The following SEMA6D variants were observed in gnomAD, a reference collection of about 807,000 sequenced individuals.
The protein encoded by SEMA6D is semaphorin 6D, also known as semaphorin-6D.
Under a neutral mutation model 106.6 loss-of-function variants are expected in SEMA6D, and 35 were observed. The observed-to-expected ratio is 0.33, with a 90% CI of 0.25 to 0.44. The LOEUF (loss-of-function observed/expected upper bound fraction) is 0.44, where lower values mean the gene tolerates loss of function less well. Among genes scored for constraint, SEMA6D ranks in the 20% least tolerant of loss-of-function variants. The pLI is 1.00. For missense variants in SEMA6D, 1,185 were observed against 1,345.9 expected (o/e 0.88, Z 1.87); for synonymous variants, 499 against 487.7 (o/e 1.02, Z -0.31).
At chr15:47,386,707 G>C (rs181882402) in intron 1 of SEMA6D, among the ~76,000 whole-genome samples, 5 of 152,300 alleles carry the variant, frequency 3.3e-5, no homozygotes, top group African/African-American at 1.2e-4. Flanking sequence ...CCTGGTGCCA[G>C]GTTTCAGAGG....
intron 3 of SEMA6D, among the ~76,000 whole-genome samples, chr15:47,481,863 C>T (rs931541884): frequency 5.9e-5 from 9 of 152,100 alleles, no homozygotes; most frequent in Non-Finnish European, 1.2e-4. Context: ...ACATAGGATT[C>T]CTGAGGCTGG....
intron 1 of SEMA6D, among the ~76,000 whole-genome samples, chr15:47,348,692 C>T (rs1305595133): frequency 9.8e-6 from 1 of 101,754 alleles, no homozygotes; most frequent in East Asian, 2.3e-4. Context: ...CACACACACA[C>T]ACACACACAC....
At position 47,306,860 on chromosome 15, in the gene SEMA6D, A is replaced by G. The variant is rs148245163; in HGVS notation, c.-238-105533A>G. Among the ~76,000 whole-genome samples the G allele has an allele frequency of 6.3e-3, 953 of 152,328 alleles. 4 individuals are homozygous for G. Among genetic ancestry groups the G allele is most frequent in the Admixed American group, 0.013 (200 of 15,306 alleles). ...TAGTATAATTTTTAGAAGATATGCA[A>G]CTCTTCAACTCAATATAGGTATGTG... is the stretch of plus-strand genomic sequence containing the variant. On this transcript the variant is annotated intron_variant, in intron 1 of 19. Coordinates refer to the SEMA6D transcript ENST00000558014.
intron 4 of SEMA6D, among the ~76,000 whole-genome samples, chr15:47,702,390 G>A (rs1278432519): frequency 1.3e-5 from 2 of 152,228 alleles, no homozygotes; most frequent in Non-Finnish European, 2.9e-5. Flanking sequence ...AGGACGTGAA[G>A]CAACAGGAAC....
Position 47,555,095 on chromosome 15 carries a change from G to A in SEMA6D, c.-86-45770G>A, listed in dbSNP as rs886551907. ...GAGAATGGATATACCAATCATATGCGTACAACAAGTAAAGGTAGACTTGAG... is the reference window on the plus strand; with the variant it reads ...GAGAATGGATATACCAATCATATGCATACAACAAGTAAAGGTAGACTTGAG... On this transcript the variant is annotated intron_variant, in intron 3 of 19. Coordinates refer to the SEMA6D transcript ENST00000558014. 3.9e-5 allele frequency among the ~76,000 whole-genome samples: 6 copies of A among 152,220 alleles called. No individual in the cohort carries two copies. In the East Asian group the frequency reaches 7.7e-4, roughly 20 times the overall value.
chr15:47,257,282 C>G (rs997602702), intron 1 of SEMA6D, among the ~76,000 whole-genome samples: 5 of 152,198 alleles, frequency 3.3e-5, no homozygotes, highest in Non-Finnish European at 5.9e-5. Context: ...TGGTCTCCAT[C>G]TCCTGACTTC....
chr15:47,306,442 C>A (rs971454971), intron 1 of SEMA6D, among the ~76,000 whole-genome samples: 1 of 152,072 alleles, frequency 6.6e-6, no homozygotes, highest in African/African-American at 2.4e-5. Context: ...AAGTTGATGG[C>A]CAGGCATGGT....
chr15:47,340,272 G>A (rs1019364804), intron 1 of SEMA6D, among the ~76,000 whole-genome samples: 8 of 151,904 alleles, frequency 5.3e-5, no homozygotes, highest in African/African-American at 1.9e-4. Context: ...AGAATGGAGA[G>A]TGAGCCATGT....
At chr15:47,681,705 T>A (rs1596616443) in intron 4 of SEMA6D, among the ~76,000 whole-genome samples, 1 of 152,236 alleles carries the variant, frequency 6.6e-6, no homozygotes, top group East Asian at 1.9e-4. Context: ...ACATAATAAT[T>A]AACCTCTCCA....
intron 1 of SEMA6D, among the ~76,000 whole-genome samples, chr15:47,405,428 C>A (rs1451931253): frequency 6.6e-6 from 1 of 152,050 alleles, no homozygotes; most frequent in Non-Finnish European, 1.5e-5. Flanking sequence ...TCCTCCACTA[C>A]CCCCCAAACC....
intron 1 of SEMA6D, among the ~76,000 whole-genome samples, chr15:47,249,566 A>G (rs1005298664): frequency 6.6e-6 from 1 of 151,994 alleles, no homozygotes; most frequent in Non-Finnish European, 1.5e-5. Flanking sequence ...GTTCTAAGAA[A>G]AGGTTCAAAT....
chr15:47,186,902 G>T (rs1893612030), intron 1 of SEMA6D, among the ~76,000 whole-genome samples: 1 of 152,030 alleles, frequency 6.6e-6, no homozygotes, highest in Admixed American at 6.6e-5. Context: ...GGTCTCATTT[G>T]TCAGTCAGCA....
chr15:47,474,777 A>AGT (rs1273734744), intron 3 of SEMA6D, among the ~76,000 whole-genome samples: 2 of 152,226 alleles, frequency 1.3e-5, no homozygotes, highest in African/African-American at 4.8e-5. Flanking sequence ...CCCTTTTGCA[A>AGT]TCAGACAGGA....
chr15:47,482,314 G>A (rs1463997423), intron 3 of SEMA6D, among the ~76,000 whole-genome samples: 1 of 152,138 alleles, frequency 6.6e-6, no homozygotes, highest in Non-Finnish European at 1.5e-5. Flanking sequence ...GAAGGGGTTT[G>A]CTACATTAAA....
chr15:47,449,418 C>T (rs2042121972), intron 2 of SEMA6D, among the ~76,000 whole-genome samples: 1 of 151,996 alleles, frequency 6.6e-6, no homozygotes, highest in Non-Finnish European at 1.5e-5. Context: ...TTACAGGAAC[C>T]TAGGTAGGAA....
At chr15:47,578,177 A>G (rs1433366914) in intron 3 of SEMA6D, among the ~76,000 whole-genome samples, 1 of 152,198 alleles carries the variant, frequency 6.6e-6, no homozygotes, top group Non-Finnish European at 1.5e-5. Flanking sequence ...CTGATTCCAA[A>G]TCTTGTGATC....
chr15:47,695,422 G>A (rs80181775), intron 4 of SEMA6D, among the ~76,000 whole-genome samples: 2,641 of 152,088 alleles, frequency 0.017, 61 homozygotes, highest in African/African-American at 0.06. Context: ...GAAGAGATTT[G>A]GTGCTCCTGG....
intron 1 of SEMA6D, among the ~76,000 whole-genome samples, chr15:47,312,761 T>C (rs1054402939): frequency 6.6e-6 from 1 of 152,224 alleles, no homozygotes. Flanking sequence ...AGTGTATTAT[T>C]TAAATGTATA....
At chr15:47,753,247 A>G (rs897199684) in intron 1 of SEMA6D, among the ~76,000 whole-genome samples, 3 of 152,194 alleles carry the variant, frequency 2.0e-5, no homozygotes, top group Non-Finnish European at 4.4e-5. Context: ...TAGGATCTCC[A>G]TGGAGTTTTT....
Sources: gnomAD v4.1 joint callset for allele counts (sites outside exome capture counted in the v4.1 genomes callset) on GRCh38, gnomAD v4.1.1 for gene constraint, MANE v1.5 for transcripts, NCBI Gene and HGNC (gene_info 2026-07-23, HGNC 2026-07-21) for gene names.